TAMM41: variants seen among roughly 807,000 people sequenced by gnomAD.
TAMM41 encodes phosphatidate cytidylyltransferase, mitochondrial.
A neutral mutation model predicts 44.1 loss-of-function variants in TAMM41; 36 were observed. That is an observed-to-expected ratio of 0.82 (90% CI 0.63 to 1.08). TAMM41 has a LOEUF of 1.08. TAMM41 is among the 50% of genes least tolerant of loss of function. TAMM41 has a pLI of 0.00. For synonymous variants in TAMM41, 164 were observed against 153.1 expected (o/e 1.07, Z -0.53); for missense variants, 417 against 404.3 (o/e 1.03, Z -0.27).
At chr3:11,814,410 A>G (rs2078206881) in intron 5 of TAMM41, among the ~76,000 whole-genome samples, 1 of 152,120 alleles carries the variant, frequency 6.6e-6, no homozygotes, top group Admixed American at 6.5e-5. Context: ...TATAAGAAAG[A>G]ACATTTTGGG....
intron 1 of TAMM41, among the ~76,000 whole-genome samples, chr3:11,845,911 G>A (rs1290508254): frequency 6.6e-6 from 1 of 152,204 alleles, no homozygotes; most frequent in Non-Finnish European, 1.5e-5. Context: ...TAAATACACT[G>A]GTCACGCACT....
At chr3:11,776,688 A>G in the TAMM41 span, among the ~76,000 whole-genome samples, 4 of 152,196 alleles carry the variant, frequency 2.6e-5, no homozygotes, top group Non-Finnish European at 4.4e-5. Flanking sequence ...CTCAGAGGGT[A>G]TCCCTGTCAT....
chr3:11,816,143 A>G (rs1274749663), intron 5 of TAMM41, among the ~76,000 whole-genome samples: 1 of 152,094 alleles, frequency 6.6e-6, no homozygotes, highest in Non-Finnish European at 1.5e-5. Context: ...TACTCATTAC[A>G]ATGTTAGTTG....
intron 3 of TAMM41, among the ~76,000 whole-genome samples, chr3:11,838,650 C>A (rs570514908): frequency 6.6e-6 from 1 of 152,214 alleles, no homozygotes; most frequent in African/African-American, 2.4e-5. Flanking sequence ...CCGGGCATGT[C>A]ACCCTCCCAG....
chr3:11,753,155 G>A, the TAMM41 span, among the ~76,000 whole-genome samples: 5 of 152,262 alleles, frequency 3.3e-5, no homozygotes, highest in South Asian at 1.0e-3. Context: ...GGCCAGCGCA[G>A]TGGCTCATAC....
At chr3:11,772,283 G>A in the TAMM41 span, among the ~76,000 whole-genome samples, 373 of 144,370 alleles carry the variant, frequency 2.6e-3, 1 homozygote, top group African/African-American at 9.0e-3. Flanking sequence ...GGCTTTCACC[G>A]TGTTAGCCAG....
chr3:11,786,503 C>A (rs545755357), downstream of TAMM41, among the ~76,000 whole-genome samples: 406 of 151,802 alleles, frequency 2.7e-3, 2 homozygotes, highest in African/African-American at 9.5e-3. Flanking sequence ...TGGGGTTTCA[C>A]CATGTTGGCC....
chr3:11,757,683 C>T, the TAMM41 span, among the ~76,000 whole-genome samples: 1 of 152,216 alleles, frequency 6.6e-6, no homozygotes, highest in African/African-American at 2.4e-5. Flanking sequence ...AATGACAACG[C>T]TTTGTAACTT....
intron 7 of TAMM41, among the ~76,000 whole-genome samples, chr3:11,800,871 C>T (rs1312407722): frequency 6.6e-6 from 1 of 152,086 alleles, no homozygotes; most frequent in East Asian, 1.9e-4. Flanking sequence ...TTCATCAGCA[C>T]ATAAAACATT....
chr3:11,727,127 A>G, the TAMM41 span, among the ~76,000 whole-genome samples: 1 of 152,232 alleles, frequency 6.6e-6, no homozygotes, highest in Admixed American at 6.5e-5. Flanking sequence ...CCTCATAACA[A>G]TTCTATTGTA....
chr3:11,769,573 T>C, the TAMM41 span, among the ~76,000 whole-genome samples: 3 of 152,170 alleles, frequency 2.0e-5, no homozygotes, highest in Non-Finnish European at 4.4e-5. Flanking sequence ...AGTATTTCAT[T>C]TAAGAAAGAA....
the TAMM41 span, among the ~76,000 whole-genome samples, chr3:11,725,428 C>T: frequency 1.3e-3 from 136 of 102,226 alleles, 1 homozygote; most frequent in African/African-American, 5.8e-3. Context: ...TTCTTCTTTC[C>T]TCCTCCTCCT....
chr3:11,821,359 G>A (rs982382456), intron 4 of TAMM41, among the ~76,000 whole-genome samples: 2 of 152,222 alleles, frequency 1.3e-5, no homozygotes, highest in Non-Finnish European at 2.9e-5. Context: ...ATGGGAGACA[G>A]TGACAGATCA....
At chr3:11,823,276 GAC>G (rs1281675178) in intron 4 of TAMM41, among the ~76,000 whole-genome samples, 1 of 130,590 alleles carries the variant, frequency 7.7e-6, no homozygotes, top group Non-Finnish European at 1.6e-5. Context: ...TTTTTTTTGA[GAC>G]AGAGTCCTGC....
chr3:11,754,382 A>C, the TAMM41 span, among the ~76,000 whole-genome samples: 16 of 151,988 alleles, frequency 1.1e-4, no homozygotes, highest in African/African-American at 2.7e-4. Flanking sequence ...TTTTCTTCTT[A>C]TTATTTTTTT....
At chr3:11,778,921 C>T in the TAMM41 span, among the ~76,000 whole-genome samples, 1 of 152,156 alleles carries the variant, frequency 6.6e-6, no homozygotes, top group Admixed American at 6.5e-5. Context: ...GTTAGCCTTT[C>T]ACTTTTTTGA....
At chr3:11,729,662 C>T in the TAMM41 span, among the ~76,000 whole-genome samples, 15 of 147,300 alleles carry the variant, frequency 1.0e-4, no homozygotes, top group African/African-American at 3.5e-4. Flanking sequence ...CTGGTTCAAG[C>T]GATTCTCCTG....
downstream of TAMM41, among the ~76,000 whole-genome samples, chr3:11,786,096 G>A (rs2077415070): frequency 6.6e-6 from 1 of 151,732 alleles, no homozygotes; most frequent in Non-Finnish European, 1.5e-5. Context: ...TCTCGCTCTG[G>A]TGCCCAGGCT....
At chr3:11,748,911 ATTTTTTT>A in the TAMM41 span, among the ~76,000 whole-genome samples, 3 of 119,128 alleles carry the variant, frequency 2.5e-5, no homozygotes, top group Non-Finnish European at 5.0e-5. Context: ...TGGGAAGTAG[ATTTTTTT>A]TTTTTTTTTT....
Sources: allele counts gnomAD v4.1 joint callset (sites outside exome capture counted in the v4.1 genomes callset), GRCh38; gene constraint gnomAD v4.1.1; transcripts MANE v1.5; gene names NCBI Gene and HGNC (gene_info 2026-07-23, HGNC 2026-07-21).